RBFOX1: variants seen among roughly 807,000 people sequenced by gnomAD.
The protein encoded by RBFOX1 is RNA binding protein fox-1 homolog 1.
In RBFOX1, 8 loss-of-function variants were observed where a neutral mutation model predicts 57.7. The observed-to-expected ratio is 0.14, with a 90% confidence interval of 0.08 to 0.25. RBFOX1 has a LOEUF of 0.25. Ranked by LOEUF, RBFOX1 falls within the 10% of genes least tolerant of loss-of-function variation. The probability of loss-of-function intolerance (pLI) is 1.00; values close to 1 mark genes in which losing one functional copy is unlikely to be tolerated. For missense variants in RBFOX1, 611 were observed against 548.5 expected (o/e 1.11, Z -1.14); for synonymous variants, 326 against 222.4 (o/e 1.47, Z -4.15).
intron 3 of RBFOX1, among the ~76,000 whole-genome samples, chr16:5,698,456 T>C (rs1331343528): frequency 6.6e-6 from 1 of 152,210 alleles, no homozygotes; most frequent in Non-Finnish European, 1.5e-5. Flanking sequence ...TCCATTTTGG[T>C]AATTTAAGTT....
At chr16:7,632,576 C>T (rs1427288374) in intron 11 of RBFOX1, among the ~76,000 whole-genome samples, 1 of 152,338 alleles carries the variant, frequency 6.6e-6, no homozygotes, top group South Asian at 2.1e-4. Context: ...TTTCTGAGTC[C>T]ATTTGACTAA....
chr16:6,304,838 C>T (rs1451444232), intron 1 of RBFOX1, among the ~76,000 whole-genome samples: 1 of 129,700 alleles, frequency 7.7e-6, no homozygotes, highest in Non-Finnish European at 1.5e-5. Context: ...ATGCCACTGA[C>T]TATACTCCAG....
intron 1 of RBFOX1, among the ~76,000 whole-genome samples, chr16:6,210,359 AC>A (rs1772349299): frequency 5.8e-4 from 14 of 24,196 alleles, no homozygotes; most frequent in Non-Finnish European, 7.5e-4. Context: ...AAAAAAAAAC[AC>A]CAAAAAAAAA....
At chr16:5,266,693 C>T (rs545867827) in intron 1 of RBFOX1, among the ~76,000 whole-genome samples, 2 of 151,858 alleles carry the variant, frequency 1.3e-5, no homozygotes, top group Admixed American at 6.6e-5. Flanking sequence ...GGACTACAGG[C>T]ATGTGCCACC....
intron 3 of RBFOX1, among the ~76,000 whole-genome samples, chr16:5,764,734 C>G (rs2053716900): frequency 6.6e-6 from 1 of 152,196 alleles, no homozygotes; most frequent in Non-Finnish European, 1.5e-5. Flanking sequence ...AGCTTCAGTT[C>G]CTCCATCCTT....
chr16:6,000,589 A>G (rs1488272005), intron 4 of RBFOX1, among the ~76,000 whole-genome samples: 1 of 152,146 alleles, frequency 6.6e-6, no homozygotes, highest in Non-Finnish European at 1.5e-5. Context: ...CCTCTAGAAC[A>G]GTGCCAGGAA....
intron 1 of RBFOX1, among the ~76,000 whole-genome samples, chr16:5,274,130 A>G (rs1028160624): frequency 6.6e-6 from 1 of 152,198 alleles, no homozygotes; most frequent in Non-Finnish European, 1.5e-5. Flanking sequence ...GAAGCTCCAT[A>G]TAGACATATC....
chr16:6,164,553 G>A (rs2096902482), intron 1 of RBFOX1, among the ~76,000 whole-genome samples: 2 of 149,860 alleles, frequency 1.3e-5, no homozygotes, highest in Non-Finnish European at 3.0e-5. Context: ...TGCAACCTCT[G>A]CCTCTCAGAT....
intron 4 of RBFOX1, among the ~76,000 whole-genome samples, chr16:7,513,381 A>G (rs1429018646): frequency 1.3e-5 from 2 of 152,188 alleles, no homozygotes; most frequent in Non-Finnish European, 2.9e-5. Context: ...TTCCCTAACA[A>G]CTACCTGTGA....
chr16:6,120,733 T>A (rs1334815425), intron 1 of RBFOX1, among the ~76,000 whole-genome samples: 3 of 152,212 alleles, frequency 2.0e-5, no homozygotes, highest in African/African-American at 7.2e-5. Flanking sequence ...TGAATTCAGA[T>A]GTCTGAGTAA....
chr16:6,289,634 A>T (rs755762683), intron 1 of RBFOX1, among the ~76,000 whole-genome samples: 5 of 152,168 alleles, frequency 3.3e-5, no homozygotes, highest in Non-Finnish European at 7.4e-5. Context: ...CACAAACAAG[A>T]CTAATTTTGA....
intron 4 of RBFOX1, among the ~76,000 whole-genome samples, chr16:5,955,293 A>G (rs1201984907): frequency 4.5e-5 from 1 of 22,226 alleles, no homozygotes; most frequent in African/African-American, 2.8e-4. Flanking sequence ...CAATAAAATA[A>G]AATAAAATAA....
intron 4 of RBFOX1, among the ~76,000 whole-genome samples, chr16:7,361,705 C>G (rs192295568): frequency 7.2e-4 from 110 of 152,232 alleles, no homozygotes; most frequent in Middle Eastern, 3.4e-3. Flanking sequence ...TATGAGAATT[C>G]GAAGATGCTT....
At chr16:7,431,988 G>A (rs951140781) in intron 4 of RBFOX1, among the ~76,000 whole-genome samples, 12 of 152,206 alleles carry the variant, frequency 7.9e-5, no homozygotes, top group African/African-American at 2.9e-4. Flanking sequence ...CCACCAGTGG[G>A]CAGCCTGTGG....
At chr16:7,709,630 G>A (rs1211787506) in intron 15 of RBFOX1, 2 of 1,531,020 alleles carry the variant, frequency 1.3e-6, no homozygotes, top group Non-Finnish European at 1.7e-6. Flanking sequence ...AGTCGCCCAG[G>A]AAAGAAAATA....
chr16:7,138,879 G>T (rs1414396822), intron 4 of RBFOX1, among the ~76,000 whole-genome samples: 1 of 152,132 alleles, frequency 6.6e-6, no homozygotes, highest in African/African-American at 2.4e-5. Flanking sequence ...TGTGATTTAG[G>T]CTCAGTGCAA....
At chr16:6,512,467 G>C (rs2096275218) in intron 2 of RBFOX1, among the ~76,000 whole-genome samples, 1 of 152,096 alleles carries the variant, frequency 6.6e-6, no homozygotes. Flanking sequence ...ATGGAGTTGA[G>C]GGGTAAGCAT....
At chr16:7,349,658 C>T (rs942720480) in intron 4 of RBFOX1, among the ~76,000 whole-genome samples, 1 of 152,054 alleles carries the variant, frequency 6.6e-6, no homozygotes, top group African/African-American at 2.4e-5. Flanking sequence ...GGGTTGGGTT[C>T]AGAAAGACGG....
At chr16:7,001,923 C>A (rs1051681367) in intron 3 of RBFOX1, among the ~76,000 whole-genome samples, 2 of 152,054 alleles carry the variant, frequency 1.3e-5, no homozygotes, top group African/African-American at 2.4e-5. Context: ...AATAGAAGAT[C>A]AGTTCTACTT....
Sources: gnomAD v4.1 joint callset for allele counts (sites outside exome capture counted in the v4.1 genomes callset) on GRCh38, gnomAD v4.1.1 for gene constraint, MANE v1.5 for transcripts, NCBI Gene and HGNC (gene_info 2026-07-23, HGNC 2026-07-21) for gene names.